The following PELI2 variants were observed in gnomAD, a reference collection of about 807,000 sequenced individuals.
PELI2 encodes E3 ubiquitin-protein ligase pellino homolog 2.
Under a neutral mutation model 42.3 loss-of-function variants are expected in PELI2, and 23 were observed. The observed-to-expected ratio is 0.54, with a 90% confidence interval of 0.39 to 0.77. The LOEUF (loss-of-function observed/expected upper bound fraction) is 0.77, where lower values mean the gene tolerates loss of function less well. PELI2 is among the 30% of genes least tolerant of loss of function. The probability of loss-of-function intolerance (pLI) is 0.00; values close to 1 mark genes in which losing one functional copy is unlikely to be tolerated. For synonymous variants in PELI2, 245 were observed against 212.2 expected, an observed-to-expected ratio of 1.15 and a Z score of -1.34; for missense variants, 463 against 553.2, an observed-to-expected ratio of 0.84 and a Z score of 1.64.
intron 2 of PELI2, among the ~76,000 whole-genome samples, chr14:56,251,840 A>G (rs1009796023): frequency 2.6e-5 from 4 of 152,250 alleles, no homozygotes; most frequent in Non-Finnish European, 5.9e-5. Context: ...CTTCACATCA[A>G]GAGTAGTCAC....
intron 2 of PELI2, among the ~76,000 whole-genome samples, chr14:56,278,915 C>T (rs1048022971): frequency 5.9e-5 from 9 of 151,978 alleles, no homozygotes; most frequent in African/African-American, 1.7e-4. Context: ...CACTTTATAT[C>T]GATTTATTTG....
chr14:56,124,761 A>C (rs942198140), intron 1 of PELI2, among the ~76,000 whole-genome samples: 1 of 152,226 alleles, frequency 6.6e-6, no homozygotes, highest in African/African-American at 2.4e-5. Flanking sequence ...GGGGATGACC[A>C]CGATGGAGAT....
intron 5 of PELI2, chr14:56,293,028 G>A (rs1250998469): frequency 3.1e-5 from 5 of 158,842 alleles, no homozygotes; most frequent in South Asian, 2.0e-4. Flanking sequence ...TAACCATAGC[G>A]TAGCTATGGT....
chr14:56,197,969 G>GAC lies in PELI2; in HGVS notation c.207+19548_207+19549dup, dbSNP rs4038318. Among the ~76,000 whole-genome samples, 1,870 of 129,720 alleles carry GAC rather than the reference G, an allele frequency of 0.014. 21 individuals are homozygous for GAC. The highest frequency in any genetic ancestry group is 0.034 in the Middle Eastern group (9 of 262). 85.1% of individuals were successfully genotyped at this position (129,720 alleles called of 152,430 possible). A position where few individuals can be genotyped will look rare whatever the true frequency, so the allele number is the denominator to read the frequency against. On this transcript the variant is annotated intron_variant, in intron 2 of 5. Coordinates refer to ENST00000267460, the MANE Select transcript of PELI2 (RefSeq NM_021255.3). The surrounding 1 kb of genome is among the most constrained non-coding windows in gnomAD (Gnocchi z 4.9). ...CACACCAGGGATCATGACTGGTGAA[G>GAC]ACACACACACACACACACACACACA... is the stretch of plus-strand genomic sequence containing the variant.
chr14:56,192,134 T>A (rs242397), intron 2 of PELI2, among the ~76,000 whole-genome samples: 1 of 152,186 alleles, frequency 6.6e-6, no homozygotes, highest in East Asian at 1.9e-4. Flanking sequence ...GGATTACAGG[T>A]GTGAGCCACC....
At chr14:56,142,822 C>T (rs1363209739) in intron 1 of PELI2, among the ~76,000 whole-genome samples, 1 of 151,650 alleles carries the variant, frequency 6.6e-6, no homozygotes, top group East Asian at 1.9e-4. Flanking sequence ...AATTATAGGA[C>T]CAGATTTAGA....
At chr14:56,151,809 GA>G (rs1248996305) in intron 1 of PELI2, among the ~76,000 whole-genome samples, 2 of 152,202 alleles carry the variant, frequency 1.3e-5, no homozygotes, top group Non-Finnish European at 1.5e-5. Flanking sequence ...GTTTATTTAA[GA>G]AGACAAAGTT....
At position 56,300,136 on chromosome 14, in the gene PELI2, G is replaced by T. The variant is rs180982290; in HGVS notation, c.*2970G>T. The stretch of plus-strand genomic sequence containing the variant: ...ATTAAAATCTGTTAATATAAATAGA[G>T]AACATATTTATCATTCCTCGATAGT... On this transcript the variant is annotated 3_prime_UTR_variant, in exon 6 of 6. Transcript: ENST00000267460. 1.0e-3 allele frequency: 153 copies of T among 152,630 alleles called. No individual in the cohort carries two copies. Among genetic ancestry groups the T allele is most frequent in the Non-Finnish European group, 1.0e-3 (71 of 68,018 alleles). The allele number at this position is 152,630 out of a possible 1,614,324, so 9.5% of individuals were successfully genotyped here.
intron 1 of PELI2, among the ~76,000 whole-genome samples, chr14:56,136,104 A>G (rs1883681305): frequency 6.6e-6 from 1 of 152,234 alleles, no homozygotes; most frequent in African/African-American, 2.4e-5. Flanking sequence ...TGTTATTCTT[A>G]TAGATAAAAT....
At chr14:56,139,659 C>G (rs190414892) in intron 1 of PELI2, among the ~76,000 whole-genome samples, 27 of 152,232 alleles carry the variant, frequency 1.8e-4, no homozygotes, top group Admixed American at 1.2e-3. Flanking sequence ...CCCCACCACA[C>G]ACACCTTTTT....
rs1384259940 is a variant in PELI2 at position 56,288,039 on chromosome 14, A to G, written c.310-398A>G. ...CCAAAGATCTACTCCTGTCCTCTTA[A>G]TTGAGCTTTTTCTCAATACTTAAAA... On this transcript the variant is annotated intron_variant, in intron 3 of 5. Coordinates refer to ENST00000267460, the MANE Select transcript of PELI2 (RefSeq NM_021255.3). This position sits in a 1 kb window ranked among gnomAD's most constrained non-coding sequence, Gnocchi z 4.6. Among the ~76,000 whole-genome samples, 6 of 152,310 alleles carry G rather than the reference A, an allele frequency of 3.9e-5. No homozygotes were observed. Among genetic ancestry groups the G allele is most frequent in the Non-Finnish European group, 5.9e-5 (4 of 68,032 alleles).
intron 2 of PELI2, among the ~76,000 whole-genome samples, chr14:56,215,934 T>C (rs1014303473): frequency 1.3e-5 from 2 of 152,252 alleles, no homozygotes; most frequent in Non-Finnish European, 1.5e-5. Flanking sequence ...CACGTTGTTA[T>C]GTGGTGGAAT....
At chr14:56,255,952 A>G (rs540942564) in intron 2 of PELI2, among the ~76,000 whole-genome samples, 7 of 152,226 alleles carry the variant, frequency 4.6e-5, no homozygotes, top group African/African-American at 1.7e-4. Context: ...TTGCTTGTCT[A>G]TGCAGCTCAA....
chr14:56,126,783 G>A (rs1883286444), intron 1 of PELI2, among the ~76,000 whole-genome samples: 1 of 152,168 alleles, frequency 6.6e-6, no homozygotes, highest in South Asian at 2.1e-4. Context: ...TCCTGCGGAA[G>A]GATTGTAGAC....
intron 1 of PELI2, chr14:56,119,709 A>AG: frequency 2.2e-6 from 2 of 893,460 alleles, no homozygotes; most frequent in Non-Finnish European, 2.7e-6. Context: ...GGGAGGGGGA[A>AG]GGGGGAAGTG....
chr14:56,205,261 C>T (rs186347541), intron 2 of PELI2, among the ~76,000 whole-genome samples: 8 of 152,110 alleles, frequency 5.3e-5, no homozygotes, highest in Non-Finnish European at 7.4e-5. Flanking sequence ...GACATGGAGA[C>T]GGCAAGCCAG....
chr14:56,183,679 A>G (rs944159913), intron 2 of PELI2, among the ~76,000 whole-genome samples: 4 of 152,190 alleles, frequency 2.6e-5, no homozygotes, highest in Non-Finnish European at 5.9e-5. Flanking sequence ...ACAATTTCAC[A>G]TAGAAATGTT....
chr14:56,126,334 CA>C (rs1428162856), intron 1 of PELI2, among the ~76,000 whole-genome samples: 1 of 152,230 alleles, frequency 6.6e-6, no homozygotes, highest in African/African-American at 2.4e-5. Flanking sequence ...GGGGCATTTT[CA>C]GCAGCAGGTT....
At chr14:56,131,385 G>T (rs1595541028) in intron 1 of PELI2, among the ~76,000 whole-genome samples, 1 of 152,278 alleles carries the variant, frequency 6.6e-6, no homozygotes, top group Non-Finnish European at 1.5e-5. Context: ...ATATGACCCA[G>T]AGTTTCTGAA....
Sources: gnomAD v4.1 joint callset for allele counts (sites outside exome capture counted in the v4.1 genomes callset) on GRCh38, gnomAD v4.1.1 for gene constraint, Gnocchi (gnomAD v3.1) non-coding constraint, MANE v1.5 for transcripts, NCBI Gene and HGNC (gene_info 2026-07-23, HGNC 2026-07-21) for gene names.